Variants in ZNF385B observed in about 807,000 individuals in gnomAD.
The protein encoded by ZNF385B is zinc finger protein 385B.
ZNF385B carries 23 observed loss-of-function variants against 39.2 expected under a neutral mutation model. The observed-to-expected ratio is 0.59, with a 90% CI of 0.42 to 0.83. ZNF385B has a LOEUF of 0.83. ZNF385B is among the 40% of genes least tolerant of loss of function. The pLI, the probability that ZNF385B is intolerant of heterozygous loss-of-function variation, is 0.00. For synonymous variants in ZNF385B, 205 were observed against 222.6 expected (o/e 0.92, Z 0.70); for missense variants, 552 against 598.9 (o/e 0.92, Z 0.82).
intron 3 of ZNF385B, among the ~76,000 whole-genome samples, chr2:179,622,658 A>G (rs2106165163): frequency 6.6e-6 from 1 of 152,326 alleles, no homozygotes; most frequent in East Asian, 1.9e-4. Flanking sequence ...CACATATAAG[A>G]ATAAAAATTT....
intron 3 of ZNF385B, among the ~76,000 whole-genome samples, chr2:179,705,984 C>T (rs1699565522): frequency 6.6e-6 from 1 of 152,190 alleles, no homozygotes; most frequent in Non-Finnish European, 1.5e-5. Context: ...CTTTTAGTCC[C>T]TACCTCCAGC....
chr2:179,694,350 G>A (rs975573678), intron 3 of ZNF385B, among the ~76,000 whole-genome samples: 2 of 134,128 alleles, frequency 1.5e-5, no homozygotes, highest in Admixed American at 1.5e-4. Flanking sequence ...GCTGCATTAA[G>A]CTTTTTTTTT....
intron 6 of ZNF385B, among the ~76,000 whole-genome samples, chr2:179,447,847 T>C (rs1010659597): frequency 3.9e-5 from 6 of 152,202 alleles, no homozygotes; most frequent in African/African-American, 1.2e-4. Flanking sequence ...TGTGTGTATG[T>C]TACAAGGTTC....
At chr2:179,706,961 T>G in intron 3 of ZNF385B, among the ~76,000 whole-genome samples, 1 of 152,148 alleles carries the variant, frequency 6.6e-6, no homozygotes, top group African/African-American at 2.4e-5. Flanking sequence ...TTAGGGCTAT[T>G]ATGACTAAAT....
chr2:179,693,594 C>G (rs1201494088), intron 3 of ZNF385B, among the ~76,000 whole-genome samples: 3 of 151,930 alleles, frequency 2.0e-5, no homozygotes. Context: ...TAAAAAAATC[C>G]AGAGTTTCAT....
chr2:179,566,041 G>A (rs1246412607), intron 3 of ZNF385B, among the ~76,000 whole-genome samples: 1 of 152,246 alleles, frequency 6.6e-6, no homozygotes, highest in African/African-American at 2.4e-5. Context: ...CCCAGAGAAG[G>A]CACTTAATGA....
In ZNF385B at chr2:179,755,833, C is replaced by T. The variant is rs559465660; in HGVS notation, c.298+13670G>A. Among the ~76,000 whole-genome samples the T allele has an allele frequency of 2.4e-4, 36 of 152,264 alleles. No individual in the cohort carries two copies. In the East Asian group the frequency reaches 4.6e-3, roughly 20 times the overall value. On this transcript the variant is annotated intron_variant, in intron 3 of 9. Coordinates refer to ENST00000410066, the MANE Select transcript of ZNF385B (RefSeq NM_152520.6). ...TTTTGAGCCTATGTGTGTCTCTGCA[C>T]GTGAGATGGGTCTCCTGAATACAGC...
At chr2:179,678,166 A>G (rs1289175893) in intron 3 of ZNF385B, among the ~76,000 whole-genome samples, 4 of 152,226 alleles carry the variant, frequency 2.6e-5, no homozygotes, top group Admixed American at 6.5e-5. Context: ...TGTGTTGGAT[A>G]TATGAGATAC....
At chr2:179,507,688 C>A (rs2057352572) in intron 5 of ZNF385B, among the ~76,000 whole-genome samples, 1 of 152,168 alleles carries the variant, frequency 6.6e-6, no homozygotes, top group Non-Finnish European at 1.5e-5. Context: ...AAGGCAGGAA[C>A]TACTTTGACT....
intron 3 of ZNF385B, among the ~76,000 whole-genome samples, chr2:179,566,704 C>T (rs1684619386): frequency 6.6e-6 from 1 of 152,180 alleles, no homozygotes; most frequent in Non-Finnish European, 1.5e-5. Context: ...TTTTAATTTA[C>T]AATTCTAAAT....
At chr2:179,750,845 T>G (rs535726723) in intron 3 of ZNF385B, among the ~76,000 whole-genome samples, 2 of 152,256 alleles carry the variant, frequency 1.3e-5, no homozygotes, top group East Asian at 1.9e-4. Flanking sequence ...TTCACCATGG[T>G]AATTATATTT....
chr2:179,804,467 C>G (rs573271641), intron 1 of ZNF385B, among the ~76,000 whole-genome samples: 34 of 152,292 alleles, frequency 2.2e-4, no homozygotes, highest in African/African-American at 7.2e-4. Context: ...TAAACGTTTT[C>G]ATGATCTACA....
intron 4 of ZNF385B, among the ~76,000 whole-genome samples, chr2:179,526,649 G>C (rs1253715914): frequency 6.6e-6 from 1 of 152,042 alleles, no homozygotes; most frequent in Non-Finnish European, 1.5e-5. Flanking sequence ...ACATTACACA[G>C]GGAGTGCATG....
At chr2:179,753,321 T>C (rs1702798398) in intron 3 of ZNF385B, among the ~76,000 whole-genome samples, 1 of 152,206 alleles carries the variant, frequency 6.6e-6, no homozygotes, top group South Asian at 2.1e-4. Context: ...ACCAGTACCA[T>C]GCTGTTTTGG....
chr2:179,821,331 T>C (rs1422842842), intron 1 of ZNF385B, among the ~76,000 whole-genome samples: 1 of 152,170 alleles, frequency 6.6e-6, no homozygotes, highest in Non-Finnish European at 1.5e-5. Context: ...GAAATGCTCA[T>C]ATTACCCATT....
At chr2:179,756,649 C>A (rs1014566898) in intron 3 of ZNF385B, among the ~76,000 whole-genome samples, 1 of 151,836 alleles carries the variant, frequency 6.6e-6, no homozygotes, top group Non-Finnish European at 1.5e-5. Flanking sequence ...TTCACCTAGT[C>A]CCATATACCT....
At chr2:179,600,268 A>G (rs1189438587) in intron 3 of ZNF385B, among the ~76,000 whole-genome samples, 2 of 152,230 alleles carry the variant, frequency 1.3e-5, no homozygotes, top group Non-Finnish European at 2.9e-5. Flanking sequence ...CAATGGGCTC[A>G]ATAAAGAAAC....
intron 3 of ZNF385B, among the ~76,000 whole-genome samples, chr2:179,716,089 A>G (rs947859950): frequency 1.3e-5 from 2 of 152,150 alleles, no homozygotes; most frequent in African/African-American, 2.4e-5. Context: ...GTTAAGTTCA[A>G]TGGGTTGTGT....
At position 179,749,939 on chromosome 2, in the gene ZNF385B, T is replaced by C. The variant is rs556149083; in HGVS notation, c.298+19564A>G. 7.9e-5 allele frequency among the ~76,000 whole-genome samples: 12 copies of C among 152,254 alleles called. No homozygotes were observed. The South Asian group carries it at 2.5e-3, about 32-fold the overall frequency. ...CATTCTTAAAGAAAAAGATAATCCG[T>C]CCTTCACTAAAAAAGGGTCAACCAC... On this transcript the variant is annotated intron_variant, in intron 3 of 9. Coordinates refer to ENST00000410066, the MANE Select transcript of ZNF385B (RefSeq NM_152520.6).
Sources: allele counts gnomAD v4.1 joint callset (sites outside exome capture counted in the v4.1 genomes callset), GRCh38; gene constraint gnomAD v4.1.1; transcripts MANE v1.5; gene names NCBI Gene and HGNC (gene_info 2026-07-23, HGNC 2026-07-21).